The following CTCF variants were observed in gnomAD, a reference collection of about 807,000 sequenced individuals.
CTCF encodes transcriptional repressor CTCF.
A neutral mutation model predicts 72.3 loss-of-function variants in CTCF; 7 were observed. The ratio of observed to expected loss-of-function variants is 0.10; its 90% CI spans 0.06 to 0.18. The LOEUF is 0.18. CTCF is among the 10% of genes least tolerant of loss of function. CTCF has a pLI of 1.00. For missense variants in CTCF, 516 were observed against 949.1 expected (o/e 0.54, Z 6.00); for synonymous variants, 374 against 315.8 (o/e 1.18, Z -1.95).
At chr16:67,612,188 A>G in intron 4 of CTCF, 67 bp downstream of exon 4, 1 of 1,441,504 alleles carries the variant, frequency 6.9e-7, no homozygotes, top group Non-Finnish European at 9.4e-7. Context: ...GTATTCATTC[A>G]AGCTGACTCC....
In CTCF at chr16:67,572,855, G is replaced by A. The variant is rs543644912; in HGVS notation, c.-10+1591G>A. The stretch of plus-strand genomic sequence containing the variant: ...CTTGGGAGGCTGAGGCAGGAAAATC[G>A]CTTAAACCTGGGAAGCAGAGGTTGC... On this transcript the variant is annotated intron_variant, in intron 2 of 11. Coordinates refer to ENST00000264010, the MANE Select transcript of CTCF (RefSeq NM_006565.4). Among the ~76,000 whole-genome samples, 16 of 147,984 alleles carry A rather than the reference G, an allele frequency of 1.1e-4. No homozygotes were observed. In the East Asian group the frequency reaches 2.2e-3, roughly 21 times the overall value.
At chr16:67,599,381 C>T (rs980617212) in intron 2 of CTCF, among the ~76,000 whole-genome samples, 7 of 152,002 alleles carry the variant, frequency 4.6e-5, no homozygotes, top group Admixed American at 6.6e-5. Context: ...GGCAACAGAA[C>T]GAGAATCTGT....
chr16:67,589,694 T>A (rs897558609), intron 2 of CTCF, among the ~76,000 whole-genome samples: 14 of 152,198 alleles, frequency 9.2e-5, no homozygotes, highest in African/African-American at 3.4e-4. Flanking sequence ...CAGTACTGAT[T>A]GAAGACTACC....
chr16:67,603,593 G>C (rs1338933535), intron 2 of CTCF, among the ~76,000 whole-genome samples: 1 of 151,856 alleles, frequency 6.6e-6, no homozygotes, highest in Non-Finnish European at 1.5e-5. Context: ...GGGAGGCCAA[G>C]GCGGGCGGAT....
chr16:67,596,670 C>T lies in CTCF; in HGVS notation c.-9-14154C>T, dbSNP rs560991451. Among the ~76,000 whole-genome samples the T allele has an allele frequency of 4.6e-5, 7 of 152,072 alleles. No homozygotes were observed. The East Asian group carries it at 1.2e-3, about 25-fold the overall frequency. On this transcript the variant is annotated intron_variant, in intron 2 of 11. Coordinates refer to ENST00000264010, the MANE Select transcript of CTCF (RefSeq NM_006565.4). ...CACGATCTCGGCTCACTGCAACCTC[C>T]ACCTCCCTGGTTCAAGCAATTTCCC...
chr16:67,617,808 C>T (rs1013373920), intron 5 of CTCF, among the ~76,000 whole-genome samples: 5 of 152,120 alleles, frequency 3.3e-5, no homozygotes, highest in Admixed American at 1.3e-4. Flanking sequence ...TACACTGTTA[C>T]CAAAACTGGG....
intron 10 of CTCF, among the ~76,000 whole-genome samples, chr16:67,632,261 C>T (rs756836839): frequency 6.6e-6 from 1 of 152,124 alleles, no homozygotes; most frequent in Admixed American, 6.6e-5. Context: ...CCTGATACTG[C>T]CTTGTTCACT....
At chr16:67,636,389 G>GA (rs892102149) in intron 10 of CTCF, among the ~76,000 whole-genome samples, 5 of 145,496 alleles carry the variant, frequency 3.4e-5, no homozygotes, top group Admixed American at 6.9e-5. Context: ...AAAAAAGAAG[G>GA]AAAAAAAAAT....
intron 7 of CTCF, among the ~76,000 whole-genome samples, chr16:67,624,982 T>A (rs2052263492): frequency 6.6e-6 from 1 of 152,120 alleles, no homozygotes; most frequent in Non-Finnish European, 1.5e-5. Context: ...TGGAGTAGAG[T>A]GGCGCGATCT....
intron 8 of CTCF, chr16:67,626,958 A>G: frequency 3.0e-6 from 1 of 336,356 alleles, no homozygotes; most frequent in East Asian, 4.5e-5. Flanking sequence ...AAAACTGTGG[A>G]AAGTAAGTCC....
chr16:67,628,997 A>T (rs1287396724), intron 9 of CTCF, among the ~76,000 whole-genome samples: 2 of 151,832 alleles, frequency 1.3e-5, no homozygotes, highest in African/African-American at 4.8e-5. Context: ...GCTTGCAGTG[A>T]TCCGAGATGG....
rs765069276 is a variant in CTCF, at chr16:67,611,207, T to C, written c.375T>C (p.Pro125=). The part of the protein sequence containing the change: ...LVQVPVPVTV[P]VATTSVEELQ... ...AAGTACCTGTTCCTGTGACTGTACC[T>C]GTTGCTACCACTTCAGTAGAAGAAC... The change falls in exon 3 of 12, where the codon CCT becomes CCC. Residue 125 remains proline, a synonymous_variant. Coordinates refer to ENST00000264010, the MANE Select transcript of CTCF (RefSeq NM_006565.4). The C allele has an allele frequency of 2.5e-6, 4 of 1,614,082 alleles. No individual in the cohort carries two copies. In the African/African-American group the frequency reaches 4.0e-5, roughly 16 times the overall value.
rs1055691697 is a variant in CTCF at position 67,611,202 on chromosome 16, G to C, written c.370G>C (p.Val124Leu). The C allele has an allele frequency of 1.2e-6, 2 of 1,614,068 alleles. No individual in the cohort carries two copies. Among genetic ancestry groups the C allele is most frequent in the African/African-American group, 2.7e-5 (2 of 74,930 alleles). The change falls in exon 3 of 12, where the codon GTA becomes CTA. Residue 124 changes from valine (V) to leucine (L), a missense_variant. Physicochemically the swap from Val to Leu is conservative, Grantham distance 32. This residue lies in a region of CTCF where 148 missense variants were observed against 194.9 expected (regional missense o/e 0.76). Transcript: ENST00000264010. Reference protein sequence around the residue: ...QLVQVPVPVTVPVATTSVEEL... With the variant: ...QLVQVPVPVTLPVATTSVEEL... The stretch of plus-strand genomic sequence containing the variant: ...TGTTCAAGTACCTGTTCCTGTGACT[G>C]TACCTGTTGCTACCACTTCAGTAGA...
Position 67,611,364 on chromosome 16 carries a change from C to G in CTCF, c.532C>G (p.Leu178Val). 1 of 1,614,096 alleles carries G rather than the reference C, an allele frequency of 6.2e-7. No homozygotes were observed. Among genetic ancestry groups the G allele is most frequent in the Non-Finnish European group, 8.5e-7 (1 of 1,180,018 alleles). Residue 178 changes from leucine (L) to valine (V), a missense_variant, in exon 3 of 12, where the codon CTA becomes GTA. By Grantham distance (32) the Leu-to-Val change is conservative. Around this residue, in one of 7 missense-constraint regions of CTCF, gnomAD observed 53 missense variants for 63.6 expected, o/e 0.83. Transcript: ENST00000264010. ...GGGGGCCAATGGAGAGGTGGAGACA[C>G]TAGAACAAGGGGAACTTCCACCCCA... is the stretch of plus-strand genomic sequence containing the variant. ...KVGANGEVET[L>V]EQGELPPQED... is the part of the protein sequence containing the mutation.
intron 4 of CTCF, among the ~76,000 whole-genome samples, chr16:67,614,138 G>C (rs1190970615): frequency 1.3e-5 from 2 of 152,034 alleles, no homozygotes; most frequent in Admixed American, 6.6e-5. Context: ...CCTGAGGTCA[G>C]GAGTTCAAGA....
At chr16:67,604,402 G>A (rs1285336502) in intron 2 of CTCF, among the ~76,000 whole-genome samples, 2 of 152,118 alleles carry the variant, frequency 1.3e-5, no homozygotes, top group Non-Finnish European at 2.9e-5. Flanking sequence ...GAGTGCAGTG[G>A]CGCGATCTTG....
At chr16:67,594,557 C>T (rs532836469) in intron 2 of CTCF, among the ~76,000 whole-genome samples, 1 of 151,990 alleles carries the variant, frequency 6.6e-6, no homozygotes, top group South Asian at 2.1e-4. Context: ...AACTTTGCAT[C>T]ACTAAAAAAA....
intron 2 of CTCF, among the ~76,000 whole-genome samples, chr16:67,588,668 G>C (rs2051699473): frequency 6.6e-6 from 1 of 151,844 alleles, no homozygotes; most frequent in African/African-American, 2.4e-5. Context: ...CTTAACAGAG[G>C]GCTCTGAAAC....
At chr16:67,610,422 G>T (rs935780676) in intron 2 of CTCF, among the ~76,000 whole-genome samples, 1 of 144,386 alleles carries the variant, frequency 6.9e-6, no homozygotes, top group Non-Finnish European at 1.5e-5. Context: ...GTGCAATCTC[G>T]GCTCACTGCA....
Sources: gnomAD v4.1 joint callset for allele counts (sites outside exome capture counted in the v4.1 genomes callset) on GRCh38, gnomAD v4.1.1 for gene constraint, gnomAD v4.1.1 regional missense constraint, MANE v1.5 for transcripts, NCBI Gene and HGNC (gene_info 2026-07-23, HGNC 2026-07-21) for gene names.